GPRC5D: variants seen among roughly 807,000 people sequenced by gnomAD.
GPRC5D encodes the protein G protein-coupled receptor class C group 5 member D.
GPRC5D carries 20 observed loss-of-function variants against 29.3 expected under a neutral mutation model. The ratio of observed to expected loss-of-function variants is 0.68; its 90% CI spans 0.48 to 0.99. The LOEUF (loss-of-function observed/expected upper bound fraction) is 0.99, where lower values mean the gene tolerates loss of function less well. GPRC5D is among the 50% of genes least tolerant of loss of function. The pLI is 0.00. For missense variants in GPRC5D, 384 were observed against 423.6 expected, an observed-to-expected ratio of 0.91 and a Z score of 0.82; for synonymous variants, 178 against 171.3, an observed-to-expected ratio of 1.04 and a Z score of -0.30.
chr12:12,951,207 A>G (rs1393192677), upstream of GPRC5D, among the ~76,000 whole-genome samples: 2 of 152,216 alleles, frequency 1.3e-5, no homozygotes, highest in Non-Finnish European at 2.9e-5. Context: ...AAGAATGCCT[A>G]TTGGGTGGTC....
intron 1 of GPRC5D, among the ~76,000 whole-genome samples, chr12:12,943,707 C>T (rs1863207451): frequency 6.6e-6 from 1 of 152,062 alleles, no homozygotes; most frequent in Non-Finnish European, 1.5e-5. Flanking sequence ...AAACTGAATC[C>T]TTGGCTCAAC....
intron 2 of GPRC5D, among the ~76,000 whole-genome samples, chr12:12,941,762 A>G (rs1199706021): frequency 1.3e-5 from 2 of 152,214 alleles, no homozygotes; most frequent in Admixed American, 6.5e-5. Flanking sequence ...TTGTTCATCC[A>G]TCTGGGCATC....
At chr12:12,944,100 A>G (rs1863215927) in intron 1 of GPRC5D, among the ~76,000 whole-genome samples, 1 of 152,092 alleles carries the variant, frequency 6.6e-6, no homozygotes, top group Non-Finnish European at 1.5e-5. Flanking sequence ...CTGCCCAATT[A>G]TGCTCTCACT....
intron 1 of GPRC5D, among the ~76,000 whole-genome samples, chr12:12,945,916 T>C (rs896448187): frequency 6.6e-6 from 1 of 152,244 alleles, no homozygotes; most frequent in African/African-American, 2.4e-5. Context: ...GACACACTTA[T>C]AACACAGAGC....
At chr12:12,949,110 T>C (rs1345396251) in intron 1 of GPRC5D, among the ~76,000 whole-genome samples, 2 of 152,196 alleles carry the variant, frequency 1.3e-5, no homozygotes, top group Non-Finnish European at 1.5e-5. Flanking sequence ...TGAAGGCCAA[T>C]ACATCTGGAC....
chr12:12,950,311 A>G, exon 1 of GPRC5D: 2 of 1,612,584 alleles, frequency 1.2e-6, no homozygotes, highest in Non-Finnish European at 1.7e-6. Flanking sequence ...GGACTCCAGA[A>G]TGATGCCCCA....
intron 1 of GPRC5D, chr12:12,947,287 A>C (rs1863372779): frequency 6.6e-6 from 1 of 152,152 alleles, no homozygotes; most frequent in Admixed American, 6.6e-5. Flanking sequence ...AACACTTAGG[A>C]CGTTTCAAGT....
At chr12:12,951,811 A>G (rs1271656128), upstream of GPRC5D, among the ~76,000 whole-genome samples, 2 of 152,146 alleles carry the variant, frequency 1.3e-5, no homozygotes, top group Admixed American at 6.5e-5. Context: ...TCCTTCTTTC[A>G]GTTAATTCAA....
chr12:12,945,343 T>G (rs927696730), intron 1 of GPRC5D, among the ~76,000 whole-genome samples: 1 of 152,098 alleles, frequency 6.6e-6, no homozygotes, highest in Non-Finnish European at 1.5e-5. Context: ...TGTTAGCAAA[T>G]ATGATATAAC....
In GPRC5D at chr12:12,950,358, A is replaced by G. The variant is rs567841762; in HGVS notation, c.27T>C (p.Thr9=). ...CGTCACAGAGAAGAAAATAGTCTCCAGTGGACTCGATGCAGTCCTTGTACA... is the reference window on the plus strand; with the variant it reads ...CGTCACAGAGAAGAAAATAGTCTCCGGTGGACTCGATGCAGTCCTTGTACA... Residue 9 remains threonine (T), a synonymous_variant, in exon 1 of 3, where the codon ACT becomes ACC. Coordinates refer to ENST00000228887, the Ensembl canonical transcript of GPRC5D. 1.1e-5 allele frequency: 18 copies of G among 1,609,004 alleles called. No homozygotes were observed. The South Asian group carries it at 1.8e-4, about 16-fold the overall frequency.
intron 1 of GPRC5D, among the ~76,000 whole-genome samples, chr12:12,946,313 C>CT (rs1408126990): frequency 4.2e-4 from 56 of 132,904 alleles, no homozygotes; most frequent in African/African-American, 1.5e-3. Context: ...CCTTCCTTTT[C>CT]TTTCTTTCTT....
At chr12:12,949,669 T>C in exon 1 of GPRC5D, 1 of 1,613,942 alleles carries the variant, frequency 6.2e-7, no homozygotes, top group Non-Finnish European at 8.5e-7. Context: ...GACGACCGGG[T>C]CGTCCCACTG....
intron 1 of GPRC5D, among the ~76,000 whole-genome samples, chr12:12,944,875 T>A (rs1234331234): frequency 2.5e-5 from 3 of 122,074 alleles, no homozygotes; most frequent in African/African-American, 8.5e-5. Context: ...CTTTCTTTCT[T>A]TCTTTCTTTC....
At chr12:12,945,794 C>G (rs1418219796) in intron 1 of GPRC5D, among the ~76,000 whole-genome samples, 1 of 152,138 alleles carries the variant, frequency 6.6e-6, no homozygotes, top group Non-Finnish European at 1.5e-5. Flanking sequence ...ATATGCTGAG[C>G]ATGTTAAATT....
chr12:12,951,559 T>C (rs1863496821), upstream of GPRC5D, among the ~76,000 whole-genome samples: 1 of 152,222 alleles, frequency 6.6e-6, no homozygotes, highest in Non-Finnish European at 1.5e-5. Flanking sequence ...CTTCACTTGA[T>C]AATATGTCCA....
chr12:12,944,815 TTCC>T (rs879375497), intron 1 of GPRC5D, among the ~76,000 whole-genome samples: 1,954 of 10,734 alleles, frequency 0.18, 377 homozygotes, highest in Admixed American at 0.3. Flanking sequence ...CCTTCCTTCC[TTCC>T]TTCCTTCCTT....
intron 1 of GPRC5D, among the ~76,000 whole-genome samples, chr12:12,942,917 G>C (rs772429131): frequency 3.3e-5 from 5 of 152,142 alleles, no homozygotes; most frequent in Non-Finnish European, 7.4e-5. Flanking sequence ...ATTACCGTGT[G>C]GCCTTGGGCA....
intron 1 of GPRC5D, among the ~76,000 whole-genome samples, chr12:12,949,192 G>C (rs911952549): frequency 3.3e-5 from 5 of 152,184 alleles, no homozygotes; most frequent in African/African-American, 1.2e-4. Context: ...TTTTATAGTG[G>C]ATGCCTTTCT....
At chr12:12,948,051 C>A (rs183757446) in intron 1 of GPRC5D, 11 of 152,254 alleles carry the variant, frequency 7.2e-5, no homozygotes, top group East Asian at 5.8e-4. Context: ...CTGAGATACT[C>A]CTTCGAGCCC....
Sources: allele counts gnomAD v4.1 joint callset (sites outside exome capture counted in the v4.1 genomes callset), GRCh38; gene constraint gnomAD v4.1.1; transcripts MANE v1.5; gene names NCBI Gene and HGNC (gene_info 2026-07-23, HGNC 2026-07-21).